MAP2K2: variants seen among roughly 807,000 people sequenced by gnomAD.
The protein encoded by MAP2K2 is dual specificity mitogen-activated protein kinase kinase 2.
Under a neutral mutation model 43.7 loss-of-function variants are expected in MAP2K2, and 24 were observed. That is an observed-to-expected ratio of 0.55 (90% confidence interval 0.40 to 0.77). MAP2K2 has a LOEUF of 0.77. MAP2K2 is among the 30% of genes least tolerant of loss of function. The pLI, the probability that MAP2K2 is intolerant of heterozygous loss-of-function variation, is 0.00. For synonymous variants in MAP2K2, 244 were observed against 239.7 expected (o/e 1.02, Z -0.17); for missense variants, 470 against 566.8 (o/e 0.83, Z 1.73).
chr19:4,107,873 C>A (rs1470147668), intron 3 of MAP2K2, among the ~76,000 whole-genome samples: 1 of 152,192 alleles, frequency 6.6e-6, no homozygotes, highest in East Asian at 1.9e-4. Flanking sequence ...CAGTCCTCAC[C>A]CCAGCAGGGA....
intron 3 of MAP2K2, among the ~76,000 whole-genome samples, chr19:4,105,092 G>A (rs1399214952): frequency 6.6e-6 from 1 of 151,980 alleles, no homozygotes; most frequent in Non-Finnish European, 1.5e-5. Context: ...GTGGTGCAGG[G>A]GGTATTGCAG....
intron 1 of MAP2K2, among the ~76,000 whole-genome samples, chr19:4,118,956 G>A (rs1376110181): frequency 1.3e-5 from 2 of 152,210 alleles, no homozygotes; most frequent in Non-Finnish European, 1.5e-5. Context: ...GGAACCCATT[G>A]CTGTGCACAA....
In MAP2K2 at chr19:4,097,338, C is replaced by T. The variant is rs377755503; in HGVS notation, c.925G>A (p.Gly309Arg). 2.6e-5 allele frequency: 42 copies of T among 1,612,540 alleles called. No individual in the cohort carries two copies. Among genetic ancestry groups the T allele is most frequent in the Non-Finnish European group, 2.3e-5 (27 of 1,179,436 alleles). ...GCCATGGCAGGCCGGCTATCCATCC[C>T]GTGACCTGCACAGGGAGAGAGATGG... ...RPPGRPVSGH[G>R]MDSRPAMAIF... The change falls in exon 8 of 11, where the codon GGG (glycine) becomes AGG (arginine). Residue 309 changes from glycine to arginine, a missense_variant. Coordinates refer to ENST00000262948, the MANE Select transcript of MAP2K2 (RefSeq NM_030662.4).
chr19:4,096,022 A>G (rs1038057886), intron 8 of MAP2K2, among the ~76,000 whole-genome samples: 1 of 152,014 alleles, frequency 6.6e-6, no homozygotes. Context: ...TGATCCACCC[A>G]CTGTGGCCTC....
At chr19:4,103,748 G>A (rs534580592) in intron 3 of MAP2K2, among the ~76,000 whole-genome samples, 2 of 152,354 alleles carry the variant, frequency 1.3e-5, no homozygotes, top group South Asian at 4.1e-4. Flanking sequence ...GGCAGTTCTA[G>A]AAAACCCAAC....
chr19:4,099,827 A>C, intron 6 of MAP2K2: 1 of 273,170 alleles, frequency 3.7e-6, no homozygotes, highest in Non-Finnish European at 7.1e-6. Context: ...GAAATTAACT[A>C]AGGGCCGGGT....
At chr19:4,111,077 T>C (rs1308786328) in intron 2 of MAP2K2, among the ~76,000 whole-genome samples, 3 of 152,082 alleles carry the variant, frequency 2.0e-5, no homozygotes, top group African/African-American at 7.2e-5. Context: ...CTGTGAAATG[T>C]CCAGGACAGG....
chr19:4,114,006 G>T (rs939319323), intron 2 of MAP2K2, among the ~76,000 whole-genome samples: 1 of 152,214 alleles, frequency 6.6e-6, no homozygotes, highest in Non-Finnish European at 1.5e-5. Flanking sequence ...TCAAAAATTG[G>T]AAGAGAGCCG....
At chr19:4,123,468 T>C (rs999434284) in intron 1 of MAP2K2, among the ~76,000 whole-genome samples, 1 of 151,548 alleles carries the variant, frequency 6.6e-6, no homozygotes, top group Non-Finnish European at 1.5e-5. Flanking sequence ...CACCCCATCT[T>C]TTCCACCACA....
chr19:4,099,463 C>A (rs778119574), intron 6 of MAP2K2, 49 bp from the exon 7 acceptor site: 1 of 1,489,236 alleles, frequency 6.7e-7, no homozygotes, highest in South Asian at 1.2e-5. Context: ...AGGATGGCAG[C>A]TGGAACCCGG....
chr19:4,091,052 G>C (rs529028517), intron 10 of MAP2K2, among the ~76,000 whole-genome samples: 4 of 152,302 alleles, frequency 2.6e-5, no homozygotes, highest in Admixed American at 6.5e-5. Flanking sequence ...ATTCTCTGGC[G>C]TGGGGCCATC....
chr19:4,102,476 G>GTGCAGGC, intron 3 of MAP2K2, 23 bp from the exon 4 acceptor site: 1 of 1,560,402 alleles, frequency 6.4e-7, no homozygotes, highest in Non-Finnish European at 8.7e-7. Flanking sequence ...CAAGGAGTGA[G>GTGCAGGC]TGCAGGCTCT....
chr19:4,094,949 C>A (rs971127455), intron 9 of MAP2K2: 5 of 354,860 alleles, frequency 1.4e-5, no homozygotes, highest in African/African-American at 1.0e-4. Flanking sequence ...AGCTCCTTCC[C>A]CGTGGTCTGC....
At chr19:4,111,711 C>T (rs962515566) in intron 2 of MAP2K2, among the ~76,000 whole-genome samples, 1 of 152,152 alleles carries the variant, frequency 6.6e-6, no homozygotes, top group Non-Finnish European at 1.5e-5. Context: ...TCCCGCACTC[C>T]GGGAGGCTGA....
At position 4,090,338 on chromosome 19, in the gene MAP2K2, T is replaced by G. The variant is rs1599277457; in HGVS notation, c.*260A>C. On this transcript the variant is annotated 3_prime_UTR_variant, in exon 11 of 11. Coordinates refer to ENST00000262948, the MANE Select transcript of MAP2K2 (RefSeq NM_030662.4). ...TGGCGCGGTTTGCTTTTTCTCTCCC[T>G]GTTTTGTTTTGTAACCTAAGGAAGC... 2 of 578,784 alleles carry G rather than the reference T, an allele frequency of 3.5e-6. No individual in the cohort carries two copies. The highest frequency in any genetic ancestry group is 5.7e-5 in the East Asian group (2 of 35,374). 35.9% of individuals were successfully genotyped at this position (578,784 alleles called of 1,614,324 possible).
At chr19:4,097,759 C>A (rs917702814) in intron 7 of MAP2K2, among the ~76,000 whole-genome samples, 3 of 152,150 alleles carry the variant, frequency 2.0e-5, no homozygotes, top group Non-Finnish European at 4.4e-5. Flanking sequence ...AAGTGCCACT[C>A]AGGACGGGAG....
intron 4 of MAP2K2, among the ~76,000 whole-genome samples, 162 bp downstream of exon 4, chr19:4,102,214 G>A (rs2041022265): frequency 6.6e-6 from 1 of 152,210 alleles, no homozygotes; most frequent in African/African-American, 2.4e-5. Context: ...GACGTCACTT[G>A]TTCAAGCTCC....
Position 4,102,385 on chromosome 19 carries a change from G to A in MAP2K2, c.519C>T (p.Val173=), listed in dbSNP as rs764307545. 6.2e-7 allele frequency: 1 copy of A among 1,602,444 alleles called. No individual in the cohort carries two copies. Among genetic ancestry groups the A allele is most frequent in the Non-Finnish European group, 8.5e-7 (1 of 1,175,716 alleles). The change falls in exon 4 of 11, where the codon GTC becomes GTT. Residue 173 remains valine (V), a synonymous_variant. Transcript: ENST00000262948. ...TCTGCGGTGGACTCACCGCGATGCTGACTTTCCCCAGGATCTCCTCGGGAA... is the reference window on the plus strand; with the variant it reads ...TCTGCGGTGGACTCACCGCGATGCTAACTTTCCCCAGGATCTCCTCGGGAA... The part of the protein sequence containing the change: ...KRIPEEILGK[V]SIAVLRGLAY...
At chr19:4,103,225 T>C in intron 3 of MAP2K2, 2 of 986,474 alleles carry the variant, frequency 2.0e-6, no homozygotes, top group Non-Finnish European at 2.4e-6. Context: ...TGGAAACGAG[T>C]CATCATGGGT....
Sources: gnomAD v4.1 joint callset for allele counts (sites outside exome capture counted in the v4.1 genomes callset) on GRCh38, gnomAD v4.1.1 for gene constraint, MANE v1.5 for transcripts, NCBI Gene and HGNC (gene_info 2026-07-23, HGNC 2026-07-21) for gene names.